The following EMC1 variants were observed in gnomAD, a reference collection of about 807,000 sequenced individuals.
The protein encoded by EMC1 is KIAA0090.
Under a neutral mutation model 128.8 loss-of-function variants are expected in EMC1, and 103 were observed. The observed-to-expected ratio is 0.80, with a 90% CI of 0.68 to 0.94. The LOEUF is 0.94. Among genes scored for constraint, EMC1 ranks in the 40% least tolerant of loss-of-function variants. EMC1 has a pLI of 0.00. For synonymous variants in EMC1, 442 were observed against 490.4 expected (o/e 0.90, Z 1.30); for missense variants, 1,083 against 1,250.6 (o/e 0.87, Z 2.02).
In EMC1 at chr1:19,239,802, TGTTGCCTGCA is replaced by T. The variant is rs1558108392; in HGVS notation, c.954+6_954+15del. ...AGATCTCCTGAATCCTAGCAAACCATGTTGCCTGCAGTTACCTGTGGGAAGTTTTTAAGCA... is the reference window on the plus strand; with the variant it reads ...AGATCTCCTGAATCCTAGCAAACCATGTTACCTGTGGGAAGTTTTTAAGCA... On this transcript the variant is annotated splice_donor_region_variant and intron_variant, in intron 8 of 22. Coordinates refer to ENST00000477853, the MANE Select transcript of EMC1 (RefSeq NM_015047.3). 1.9e-6 allele frequency: 3 copies of T among 1,612,134 alleles called. No homozygotes were observed. Among genetic ancestry groups the T allele is most frequent in the Non-Finnish European group, 2.5e-6 (3 of 1,179,004 alleles).
At chr1:19,246,061 C>T (rs188692132) in intron 1 of EMC1, among the ~76,000 whole-genome samples, 1 of 152,084 alleles carries the variant, frequency 6.6e-6, no homozygotes, top group South Asian at 2.1e-4. Flanking sequence ...GCCGAGATCA[C>T]ACCATTGCAC....
chr1:19,227,260 G>A, intron 18 of EMC1, 53 bp downstream of exon 18: 1 of 1,606,244 alleles, frequency 6.2e-7, no homozygotes, highest in Non-Finnish European at 8.5e-7. Flanking sequence ...TGAAGCCCTT[G>A]TTTTCCTGAT....
intron 1 of EMC1, among the ~76,000 whole-genome samples, chr1:19,247,398 T>G (rs898617128): frequency 1.1e-4 from 16 of 152,196 alleles, no homozygotes; most frequent in African/African-American, 3.6e-4. Context: ...AATGTTTCAG[T>G]CAATGATTGA....
intron 2 of EMC1, 61 bp downstream of exon 2, chr1:19,244,845 T>A (rs923241264): frequency 1.1e-4 from 179 of 1,595,432 alleles, no homozygotes; most frequent in Admixed American, 1.7e-4. Context: ...CAGGCAGAGT[T>A]GGCAATGGTA....
rs945454026 is a variant in EMC1 at position 19,243,543 on chromosome 1, G to A, written c.380+71C>T. The A allele has an allele frequency of 2.9e-6, 4 of 1,372,380 alleles. No homozygotes were observed. In the African/African-American group the frequency reaches 5.7e-5, roughly 20 times the overall value. The allele number at this position is 1,372,380 out of a possible 1,614,324, so 85.0% of individuals were successfully genotyped here. A position where few individuals can be genotyped will look rare whatever the true frequency, so the allele number is the denominator to read the frequency against. ...GGGAAAAAGCCAAAAGCCCAGAGTT[G>A]CTGTCTATGCAGATCTGTGTTCCGG... On this transcript the variant is annotated intron_variant, in intron 4 of 22. Coordinates refer to ENST00000477853, the MANE Select transcript of EMC1 (RefSeq NM_015047.3).
intron 1 of EMC1, among the ~76,000 whole-genome samples, chr1:19,245,279 GA>G (rs1413295013): frequency 6.6e-6 from 1 of 152,066 alleles, no homozygotes; most frequent in Non-Finnish European, 1.5e-5. Context: ...CTGTCTCTAT[GA>G]AAAATACAAA....
In EMC1 at chr1:19,219,664, G is replaced by T; in HGVS notation, c.2707C>A (p.Gln903Lys). 1 of 1,614,064 alleles carries T rather than the reference G, an allele frequency of 6.2e-7. No individual in the cohort carries two copies. The highest frequency in any genetic ancestry group is 8.5e-7 in the Non-Finnish European group (1 of 1,179,996). Residue 903 changes from glutamine to lysine, a missense_variant, in exon 22 of 23, where the codon CAG becomes AAG. Gln to Lys is a moderately conservative substitution (Grantham distance 53). This residue lies in a region of EMC1 where 527 missense variants were observed against 644.1 expected (regional missense o/e 0.82). Transcript: ENST00000477853. ...ENLIPYSPDV[Q>K]IHAERFINYN... ...TTGATGAATCGCTCTGCGTGTATCT[G>T]TACATCTGGAGAATACGGGATTAAG...
chr1:19,235,395 T>G (rs2093555067), intron 12 of EMC1, 143 bp from the exon 13 acceptor site: 1 of 788,124 alleles, frequency 1.3e-6, no homozygotes, highest in African/African-American at 1.8e-5. Flanking sequence ...GGGCAAAACC[T>G]TATCTCAACA....
chr1:19,223,711 T>C, intron 18 of EMC1, 142 bp from the exon 19 acceptor site: 1 of 697,680 alleles, frequency 1.4e-6, no homozygotes, highest in East Asian at 2.7e-5. Flanking sequence ...GTTTGGAATT[T>C]CTCATCACTG....
intron 1 of EMC1, among the ~76,000 whole-genome samples, chr1:19,250,521 AAC>A (rs1281930472): frequency 6.6e-6 from 1 of 152,244 alleles, no homozygotes; most frequent in African/African-American, 2.4e-5. Flanking sequence ...TGTCTGGCAT[AAC>A]AGGTACTCAA....
rs1475224845 is a variant in EMC1, at chr1:19,218,999, A to G, written c.*304T>C. On this transcript the variant is annotated 3_prime_UTR_variant, in exon 23 of 23. Transcript: ENST00000477853. ...CGGAATTCTTATTAAAAAAAACAAA[A>G]CAGAACATTCATGGATGGGCAAAGA... 2 of 250,202 alleles carry G rather than the reference A, an allele frequency of 8.0e-6. No individual in the cohort carries two copies. The highest frequency in any genetic ancestry group is 1.3e-3 in the Middle Eastern group (1 of 774). 15.5% of individuals were successfully genotyped at this position (250,202 alleles called of 1,614,324 possible).
At chr1:19,242,864 C>T (rs996995668) in intron 4 of EMC1, among the ~76,000 whole-genome samples, 2 of 152,216 alleles carry the variant, frequency 1.3e-5, no homozygotes, top group African/African-American at 4.8e-5. Context: ...GTGTTCTCAT[C>T]GCCTGGGGCT....
At chr1:19,247,595 T>C (rs890077909) in intron 1 of EMC1, among the ~76,000 whole-genome samples, 1 of 152,252 alleles carries the variant, frequency 6.6e-6, no homozygotes, top group Non-Finnish European at 1.5e-5. Context: ...TATTCAATAA[T>C]GTATACTACA....
At position 19,251,515 on chromosome 1, in the gene EMC1, G is replaced by A. The variant is rs751244519; in HGVS notation, c.-6C>T. The A allele has an allele frequency of 1.1e-5, 17 of 1,613,730 alleles. No individual in the cohort carries two copies. The highest frequency in any genetic ancestry group is 1.4e-5 in the Non-Finnish European group (17 of 1,179,850). ...GAAGCCCACTCAGCCGCCATGATGC[G>A]AGCGCATGCACCACCCACCGCCGTC... is the stretch of plus-strand genomic sequence containing the variant. On this transcript the variant is annotated 5_prime_UTR_variant, in exon 1 of 23. Transcript: ENST00000477853.
chr1:19,233,471 A>G (rs1393344176), intron 13 of EMC1, among the ~76,000 whole-genome samples: 1 of 152,180 alleles, frequency 6.6e-6, no homozygotes, highest in Non-Finnish European at 1.5e-5. Context: ...ATGCTAAAAG[A>G]AGGTTTCTGG....
At chr1:19,223,261 A>T in intron 19 of EMC1, 135 bp downstream of exon 19, 3 of 798,836 alleles carry the variant, frequency 3.8e-6, no homozygotes, top group Non-Finnish European at 6.2e-6. Flanking sequence ...CCAGTGCCCT[A>T]ACCGGCACGC....
intron 11 of EMC1, 100 bp from the exon 12 acceptor site, chr1:19,237,338 G>A: frequency 1.2e-6 from 1 of 810,742 alleles, no homozygotes; most frequent in South Asian, 1.4e-5. Context: ...CAGAGGTACA[G>A]GCCATGGCAT....
Position 19,219,094 on chromosome 1 carries a change from A to C in EMC1, c.*209T>G. 1 of 539,466 alleles carries C rather than the reference A, an allele frequency of 1.9e-6. No individual in the cohort carries two copies. The highest frequency in any genetic ancestry group is 3.0e-5 in the East Asian group (1 of 32,996). 33.4% of individuals were successfully genotyped at this position (539,466 alleles called of 1,614,324 possible). On this transcript the variant is annotated 3_prime_UTR_variant, in exon 23 of 23. Coordinates refer to ENST00000477853, the MANE Select transcript of EMC1 (RefSeq NM_015047.3). ...CAGGAATCTCTGAGAGTGTCAGCTGAGAGAGTTCTGTCTCTCTCCATGTAG... is the reference window on the plus strand; with the variant it reads ...CAGGAATCTCTGAGAGTGTCAGCTGCGAGAGTTCTGTCTCTCTCCATGTAG...
chr1:19,215,920 CT>C lies in EMC1; in HGVS notation c.*3382del, dbSNP rs1254056765. 6.6e-6 allele frequency: 1 copy of C among 152,066 alleles called. No individual in the cohort carries two copies. Among genetic ancestry groups the C allele is most frequent in the Non-Finnish European group, 1.5e-5 (1 of 68,016 alleles). 9.4% of individuals were successfully genotyped at this position (152,066 alleles called of 1,614,324 possible). A position where few individuals can be genotyped will look rare whatever the true frequency, so the allele number is the denominator to read the frequency against. ...GCCAGGCTGGTCTTAAACTCCTGAC[CT>C]CAAATGATCTGCCTGCCTTGGCCTC... On this transcript the variant is annotated 3_prime_UTR_variant, in exon 23 of 23. Coordinates refer to ENST00000477853, the MANE Select transcript of EMC1 (RefSeq NM_015047.3).
Sources: gnomAD v4.1 joint callset for allele counts (sites outside exome capture counted in the v4.1 genomes callset) on GRCh38, gnomAD v4.1.1 for gene constraint, gnomAD v4.1.1 regional missense constraint, MANE v1.5 for transcripts, NCBI Gene and HGNC (gene_info 2026-07-23, HGNC 2026-07-21) for gene names.